The following FRMD4A variants were observed in gnomAD, a reference collection of about 807,000 sequenced individuals.
FRMD4A encodes FERM domain-containing protein 4A.
A neutral mutation model predicts 129.1 loss-of-function variants in FRMD4A; 29 were observed. The observed-to-expected ratio is 0.22, with a 90% CI of 0.17 to 0.31. FRMD4A has a LOEUF of 0.31. Among genes scored for constraint, FRMD4A ranks in the 10% least tolerant of loss-of-function variants. FRMD4A has a pLI of 1.00. For missense variants in FRMD4A, 1,272 were observed against 1,375.8 expected (o/e 0.92, Z 1.19); for synonymous variants, 634 against 571.6 (o/e 1.11, Z -1.56).
At chr10:13,927,534 C>T (rs1441576543) in intron 2 of FRMD4A, among the ~76,000 whole-genome samples, 1 of 152,168 alleles carries the variant, frequency 6.6e-6, no homozygotes, top group East Asian at 1.9e-4. Context: ...TGCCTTTTCT[C>T]AGGGTACAAG....
intron 8 of FRMD4A, among the ~76,000 whole-genome samples, chr10:13,760,126 A>G (rs921349697): frequency 6.6e-6 from 1 of 152,174 alleles, no homozygotes; most frequent in South Asian, 2.1e-4. Flanking sequence ...TTATTGGAAC[A>G]CAATCAGGCT....
chr10:13,697,295 C>T (rs4328132), intron 14 of FRMD4A, among the ~76,000 whole-genome samples: 55,105 of 151,550 alleles, frequency 0.36, 10,452 homozygotes, highest in African/African-American at 0.49. Flanking sequence ...TAGCTGGGAC[C>T]ACACATGTGG....
chr10:14,202,731 T>C (rs1239529167), intron 2 of FRMD4A, among the ~76,000 whole-genome samples: 1 of 152,092 alleles, frequency 6.6e-6, no homozygotes, highest in African/African-American at 2.4e-5. Flanking sequence ...TTAGGGTCAC[T>C]ATACATCACA....
chr10:13,695,303 G>A (rs752653594), intron 14 of FRMD4A, among the ~76,000 whole-genome samples: 2 of 152,044 alleles, frequency 1.3e-5, no homozygotes, highest in African/African-American at 2.4e-5. Context: ...ACCACGCCCA[G>A]CTAATTTTTA....
chr10:14,269,516 T>C (rs1270157588), intron 2 of FRMD4A, among the ~76,000 whole-genome samples: 3 of 152,176 alleles, frequency 2.0e-5, no homozygotes, highest in African/African-American at 4.8e-5. Flanking sequence ...CCCCTTCCTC[T>C]GCCTTCAGAG....
At chr10:14,271,117 C>T (rs1845149536) in intron 2 of FRMD4A, among the ~76,000 whole-genome samples, 1 of 152,082 alleles carries the variant, frequency 6.6e-6, no homozygotes, top group African/African-American at 2.4e-5. Context: ...GACCAGGTCT[C>T]AGATGAACTC....
chr10:14,162,376 T>C (rs1321099688), intron 2 of FRMD4A, among the ~76,000 whole-genome samples: 6 of 152,226 alleles, frequency 3.9e-5, no homozygotes, highest in Admixed American at 2.0e-4. Flanking sequence ...ATTTTGTAAG[T>C]GGGATTTTGG....
intron 2 of FRMD4A, among the ~76,000 whole-genome samples, chr10:13,892,292 T>TA (rs1243116128): frequency 6.6e-6 from 1 of 152,088 alleles, no homozygotes; most frequent in Non-Finnish European, 1.5e-5. Context: ...GCACAGCTCT[T>TA]ACCCCTCGAT....
chr10:13,880,397 C>T (rs2094533281), intron 2 of FRMD4A, among the ~76,000 whole-genome samples: 1 of 152,230 alleles, frequency 6.6e-6, no homozygotes, highest in Non-Finnish European at 1.5e-5. Context: ...GAACACTTTT[C>T]ATCACCGTCA....
chr10:14,236,494 C>T (rs558868742), intron 2 of FRMD4A, among the ~76,000 whole-genome samples: 11 of 152,306 alleles, frequency 7.2e-5, no homozygotes, highest in African/African-American at 2.6e-4. Context: ...GGCCCCATAC[C>T]ACTGGATGCT....
chr10:13,799,101 C>T (rs1187814501), intron 4 of FRMD4A, among the ~76,000 whole-genome samples: 1 of 152,248 alleles, frequency 6.6e-6, no homozygotes, highest in Non-Finnish European at 1.5e-5. Context: ...CATTTCTGCA[C>T]TTCCCAGTCT....
At chr10:14,318,635 C>G (rs886085643) in intron 2 of FRMD4A, among the ~76,000 whole-genome samples, 1 of 150,212 alleles carries the variant, frequency 6.7e-6, no homozygotes, top group Middle Eastern at 3.2e-3. Context: ...AAAAATGACT[C>G]CTTCAGATAT....
At chr10:13,851,764 G>C (rs2094143243) in intron 3 of FRMD4A, among the ~76,000 whole-genome samples, 2 of 151,842 alleles carry the variant, frequency 1.3e-5, no homozygotes, top group Non-Finnish European at 2.9e-5. Flanking sequence ...GTTGGGTGTG[G>C]TGGCGCCTGC....
chr10:14,131,131 T>C lies in FRMD4A; in HGVS notation c.45+198927A>G, dbSNP rs11258882. On this transcript the variant is annotated intron_variant, in intron 2 of 24. Transcript: ENST00000357447. ...CGTAAGCTCCCAGTTGCAGCATTTGTAGTAGAGAATGTAACCACACAAATC... is the reference window on the plus strand; with the variant it reads ...CGTAAGCTCCCAGTTGCAGCATTTGCAGTAGAGAATGTAACCACACAAATC... 8.7e-3 allele frequency among the ~76,000 whole-genome samples: 1,328 copies of C among 152,304 alleles called. 15 individuals carry two copies. Among genetic ancestry groups the C allele is most frequent in the African/African-American group, 0.03 (1,255 of 41,552 alleles).
chr10:14,030,936 A>C (rs961645228), intron 2 of FRMD4A, among the ~76,000 whole-genome samples: 5 of 152,186 alleles, frequency 3.3e-5, no homozygotes, highest in African/African-American at 9.7e-5. Context: ...ACAACCCCTG[A>C]CCAGTCACAA....
chr10:14,116,046 A>G (rs1480816521), intron 2 of FRMD4A, among the ~76,000 whole-genome samples: 9 of 152,256 alleles, frequency 5.9e-5, no homozygotes, highest in African/African-American at 2.2e-4. Flanking sequence ...GTAGTTGGCA[A>G]GCATCATTTT....
In FRMD4A at chr10:13,657,154, C is replaced by A. The variant is rs902473126; in HGVS notation, c.2435G>T (p.Gly812Val). ...PNLAARGGAG[G>V]AGGAGGGVYL... ...CACACCGCCCCCCGCGCCCCCCGCG[C>A]CCCCCGCACCCCCGCGCGCCGCCAG... Residue 812 changes from glycine (G) to valine (V), a missense_variant, in exon 22 of 25, where the codon GGC becomes GTC. Physicochemically the swap from Gly to Val is moderately radical, Grantham distance 109. Transcript: ENST00000357447. 6.8e-7 allele frequency: 1 copy of A among 1,474,360 alleles called. No individual in the cohort carries two copies. Among genetic ancestry groups the A allele is most frequent in the Non-Finnish European group, 9.0e-7 (1 of 1,116,682 alleles). The allele number at this position is 1,474,360 out of a possible 1,614,324, so 91.3% of individuals were successfully genotyped here. A position where few individuals can be genotyped will look rare whatever the true frequency, so the allele number is the denominator to read the frequency against.
At chr10:13,654,017 G>A (rs561578151) in intron 23 of FRMD4A, 2 of 341,002 alleles carry the variant, frequency 5.9e-6, no homozygotes, top group Non-Finnish European at 1.0e-5. Flanking sequence ...TGTTTCACCT[G>A]CCCCAGTGTA....
chr10:13,827,367 T>C (rs2093718305), intron 3 of FRMD4A, among the ~76,000 whole-genome samples: 1 of 152,176 alleles, frequency 6.6e-6, no homozygotes. Flanking sequence ...TCCCACAGCC[T>C]GGGGCAGATT....
Sources: gnomAD v4.1 joint callset for allele counts (sites outside exome capture counted in the v4.1 genomes callset) on GRCh38, gnomAD v4.1.1 for gene constraint, MANE v1.5 for transcripts, NCBI Gene and HGNC (gene_info 2026-07-23, HGNC 2026-07-21) for gene names.